Variants in BRPF3 observed in about 807,000 individuals in gnomAD.
BRPF3 encodes the protein bromodomain and PHD finger-containing protein 3.
BRPF3 carries 18 observed loss-of-function variants against 102.0 expected under a neutral mutation model. The observed-to-expected ratio is 0.18, with a 90% CI of 0.12 to 0.26. The LOEUF (loss-of-function observed/expected upper bound fraction) is 0.26, where lower values mean the gene tolerates loss of function less well. BRPF3 is among the 10% of genes least tolerant of loss of function. The pLI, the probability that BRPF3 is intolerant of heterozygous loss-of-function variation, is 1.00. For missense variants in BRPF3, 1,147 were observed against 1,567.8 expected (o/e 0.73, Z 4.53); for synonymous variants, 570 against 614.2 (o/e 0.93, Z 1.06).
chr6:36,224,649 C>G (rs1045080915), intron 10 of BRPF3, among the ~76,000 whole-genome samples: 1 of 152,172 alleles, frequency 6.6e-6, no homozygotes, highest in Non-Finnish European at 1.5e-5. Flanking sequence ...CATGAGGACT[C>G]CGCACTCAGG....
chr6:36,218,404 C>G (rs541096124), intron 9 of BRPF3, among the ~76,000 whole-genome samples: 1 of 150,964 alleles, frequency 6.6e-6, no homozygotes, highest in Non-Finnish European at 1.5e-5. Context: ...GTCATAGCCT[C>G]TTTATAGAGG....
At chr6:36,208,428 G>A (rs1422478059) in intron 4 of BRPF3, among the ~76,000 whole-genome samples, 1 of 152,134 alleles carries the variant, frequency 6.6e-6, no homozygotes, top group Non-Finnish European at 1.5e-5. Context: ...TTGAGTCCAG[G>A]AGTTTGAGAT....
chr6:36,204,416 C>A, intron 2 of BRPF3: 1 of 529,662 alleles, frequency 1.9e-6, no homozygotes, highest in South Asian at 2.1e-5. Context: ...GGAGATGGTT[C>A]TTTTGGAGGA....
At position 36,210,832 on chromosome 6, in the gene BRPF3, G is replaced by T. The variant is rs953391058; in HGVS notation, c.2179+304G>T. On this transcript the variant is annotated intron_variant, in intron 6 of 12. Transcript: ENST00000357641. This position sits in a 1 kb window ranked among gnomAD's most constrained non-coding sequence, Gnocchi z 4.7. ...TGGATCCCCTCTGTATGGCATTGGA[G>T]CATGGGACAGGGAGAGTGCATTGCT... 6.6e-6 allele frequency among the ~76,000 whole-genome samples: 1 copy of T among 152,224 alleles called. No individual in the cohort carries two copies. The highest frequency in any genetic ancestry group is 1.5e-5 in the Non-Finnish European group (1 of 68,034).
intron 11 of BRPF3, 151 bp from the exon 12 acceptor site, chr6:36,228,751 A>G: frequency 1.2e-6 from 1 of 840,414 alleles, no homozygotes; most frequent in Non-Finnish European, 1.9e-6. Context: ...CATTGGAGGA[A>G]GGGGTTTGCC....
chr6:36,220,793 A>G (rs1235656777), intron 9 of BRPF3, among the ~76,000 whole-genome samples: 4 of 152,132 alleles, frequency 2.6e-5, no homozygotes, highest in Non-Finnish European at 4.4e-5. Flanking sequence ...AAAACTACCA[A>G]CCTAACTACA....
chr6:36,208,374 G>T (rs1581957067), intron 4 of BRPF3, among the ~76,000 whole-genome samples: 1 of 152,334 alleles, frequency 6.6e-6, no homozygotes, highest in East Asian at 1.9e-4. Context: ...AGTGGCTCAT[G>T]CCTGTAATCC....
At chr6:36,198,523 A>G (rs1006845020) in intron 1 of BRPF3, among the ~76,000 whole-genome samples, 1 of 152,194 alleles carries the variant, frequency 6.6e-6, no homozygotes, top group African/African-American at 2.4e-5. Flanking sequence ...ATCACTTACT[A>G]GCTTTACGTT....
Position 36,217,897 on chromosome 6 carries a change from A to AGGAG in BRPF3, c.2990-20_2990-19insGGAG. On this transcript the variant is annotated intron_variant, in intron 8 of 12. Coordinates refer to ENST00000357641, the MANE Select transcript of BRPF3 (RefSeq NM_015695.3). Reference sequence around the variant, plus strand: ...AAGGGGGATTTCTGCACTCAGACTCACTGTGTGTGTCCTTGGCAGGCATGA... The same window carrying AGGAG: ...AAGGGGGATTTCTGCACTCAGACTCAGGAGCTGTGTGTGTCCTTGGCAGGCATGA... 6.2e-7 allele frequency: 1 copy of AGGAG among 1,610,046 alleles called. No individual in the cohort carries two copies. The highest frequency in any genetic ancestry group is 8.5e-7 in the Non-Finnish European group (1 of 1,177,504).
Position 36,210,425 on chromosome 6 carries a change from C to T in BRPF3, c.2076C>T (p.His692=), listed in dbSNP as rs547888616. 8.4e-5 allele frequency: 136 copies of T among 1,613,498 alleles called. No homozygotes were observed. The highest frequency in any genetic ancestry group is 4.2e-4 in the Admixed American group (25 of 60,030). ...ACCTGGGAGGGGCCATCCTACGGCA[C>T]GCCCGGCGGCAGGCAGAGAACATCG... ...LRDLGGAILR[H]ARRQAENIGY... is the part of the protein sequence containing the mutation. Residue 692 remains histidine, a synonymous_variant, in exon 6 of 13, where the codon CAC becomes CAT. Coordinates refer to ENST00000357641, the MANE Select transcript of BRPF3 (RefSeq NM_015695.3). This position sits in a 1 kb window ranked among gnomAD's most constrained non-coding sequence, Gnocchi z 4.7.
rs143027666 is a variant in BRPF3 at position 36,201,528 on chromosome 6, A to G, written c.1206A>G (p.Arg402=). The G allele has an allele frequency of 6.2e-6, 10 of 1,614,148 alleles. No homozygotes were observed. In the African/African-American group the frequency reaches 9.3e-5, roughly 15 times the overall value. ...ATARRKGDSP[R]SISETGDEEG... ...CTAGGAGGAAGGGCGACTCCCCTAGAAGCATCAGTGAGACTGGCGATGAGG... is the reference window on the plus strand; with the variant it reads ...CTAGGAGGAAGGGCGACTCCCCTAGGAGCATCAGTGAGACTGGCGATGAGG... The change falls in exon 2 of 13, where the codon AGA becomes AGG. Residue 402 remains arginine (R), a synonymous_variant. Coordinates refer to ENST00000357641, the MANE Select transcript of BRPF3 (RefSeq NM_015695.3). This position sits in a 1 kb window ranked among gnomAD's most constrained non-coding sequence, Gnocchi z 5.1.
chr6:36,219,424 A>G (rs1768454484), intron 9 of BRPF3, among the ~76,000 whole-genome samples: 2 of 152,204 alleles, frequency 1.3e-5, no homozygotes, highest in South Asian at 4.1e-4. Context: ...TTCAAAGATA[A>G]GGTACCTGGA....
At chr6:36,228,817 G>T (rs959146260) in intron 11 of BRPF3, 85 bp from the exon 12 acceptor site, 1 of 1,493,140 alleles carries the variant, frequency 6.7e-7, no homozygotes, top group African/African-American at 1.4e-5. Flanking sequence ...CCCTGGTGTG[G>T]GTGCTTCAGC....
intron 11 of BRPF3, among the ~76,000 whole-genome samples, chr6:36,228,363 A>AG (rs1269033209): frequency 6.6e-6 from 1 of 152,226 alleles, no homozygotes; most frequent in Non-Finnish European, 1.5e-5. Context: ...AGAAGGGCCC[A>AG]GCTGCTGCCC....
chr6:36,222,293 A>C, intron 10 of BRPF3, 28 bp downstream of exon 10: 1 of 1,543,514 alleles, frequency 6.5e-7, no homozygotes, highest in South Asian at 1.2e-5. Context: ...GGCAGAACTG[A>C]GGGGGCCAGG....
intron 7 of BRPF3, 104 bp from the exon 8 acceptor site, chr6:36,213,776 A>G (rs771021287): frequency 2.2e-4 from 266 of 1,216,350 alleles, no homozygotes; most frequent in Non-Finnish European, 2.9e-4. Flanking sequence ...CTCAAGCCTT[A>G]TAACAGCCAA....
chr6:36,228,606 C>T (rs917567471), intron 11 of BRPF3, among the ~76,000 whole-genome samples: 24 of 152,200 alleles, frequency 1.6e-4, no homozygotes, highest in African/African-American at 5.8e-4. Flanking sequence ...AACTGGATGG[C>T]CTTCCCGATG....
In BRPF3 at chr6:36,200,047, T is replaced by C. The variant is rs934558029; in HGVS notation, c.-26-250T>C. On this transcript the variant is annotated intron_variant, in intron 1 of 12. Transcript: ENST00000357641. This position sits in a 1 kb window ranked among gnomAD's most constrained non-coding sequence, Gnocchi z 5.3. ...AAAATAAAGCAGAATGAAAGGTAGA[T>C]TGCTGGTGGAGGAAAAGGATTTGCA... 1.3e-5 allele frequency among the ~76,000 whole-genome samples: 2 copies of C among 152,180 alleles called. No homozygotes were observed. The highest frequency in any genetic ancestry group is 6.5e-5 in the Admixed American group (1 of 15,284).
rs1017696805 is a variant in BRPF3, at chr6:36,200,246, A to G, written c.-26-51A>G. 1.3e-6 allele frequency: 2 copies of G among 1,488,382 alleles called. No homozygotes were observed. The highest frequency in any genetic ancestry group is 1.4e-5 in the African/African-American group (1 of 70,910). The allele number at this position is 1,488,382 out of a possible 1,614,324, so 92.2% of individuals were successfully genotyped here. ...GATGCTTGATCATATGGGAGGATGA[A>G]TGGGTGCATAAGGGCATCCAACTCA... On this transcript the variant is annotated intron_variant, in intron 1 of 12. Transcript: ENST00000357641. This position sits in a 1 kb window ranked among gnomAD's most constrained non-coding sequence, Gnocchi z 5.3.
Sources: gnomAD v4.1 joint callset for allele counts (sites outside exome capture counted in the v4.1 genomes callset) on GRCh38, gnomAD v4.1.1 for gene constraint, Gnocchi (gnomAD v3.1) non-coding constraint, MANE v1.5 for transcripts, NCBI Gene and HGNC (gene_info 2026-07-23, HGNC 2026-07-21) for gene names.